TCERG1L: variants seen among roughly 807,000 people sequenced by gnomAD.
TCERG1L encodes transcription elongation regulator 1-like protein.
A neutral mutation model predicts 56.3 loss-of-function variants in TCERG1L; 37 were observed. The observed-to-expected ratio is 0.66, with a 90% CI of 0.51 to 0.87. The LOEUF (loss-of-function observed/expected upper bound fraction) is 0.87, where lower values mean the gene tolerates loss of function less well. TCERG1L is among the 40% of genes least tolerant of loss of function. TCERG1L has a pLI of 0.00. For synonymous variants in TCERG1L, 324 were observed against 326.3 expected, an observed-to-expected ratio of 0.99 and a Z score of 0.08; for missense variants, 799 against 774.2, an observed-to-expected ratio of 1.03 and a Z score of -0.38.
At chr10:131,185,951 T>C (rs1583670) in intron 4 of TCERG1L, among the ~76,000 whole-genome samples, 109,269 of 152,130 alleles carry the variant, frequency 0.72, 41,678 homozygotes, top group Non-Finnish European at 0.85. Context: ...AATGTGGACG[T>C]AATGTACATG....
At chr10:131,231,946 G>A (rs1845857317) in intron 4 of TCERG1L, among the ~76,000 whole-genome samples, 1 of 152,172 alleles carries the variant, frequency 6.6e-6, no homozygotes, top group South Asian at 2.1e-4. Context: ...AAGGCCGTAG[G>A]AAGTTGAGGA....
chr10:131,281,851 T>G (rs1846459438), intron 3 of TCERG1L, among the ~76,000 whole-genome samples: 1 of 143,774 alleles, frequency 7.0e-6, no homozygotes, highest in Admixed American at 6.8e-5. Context: ...ATGAAAACCC[T>G]TCTGGCCGGG....
intron 4 of TCERG1L, among the ~76,000 whole-genome samples, chr10:131,249,731 C>T (rs1012991938): frequency 2.6e-5 from 4 of 152,128 alleles, no homozygotes; most frequent in African/African-American, 9.7e-5. Flanking sequence ...CCTGGCTGGG[C>T]GCTCCATGGG....
chr10:131,275,911 G>A (rs1000814842), intron 3 of TCERG1L, among the ~76,000 whole-genome samples: 3 of 152,132 alleles, frequency 2.0e-5, no homozygotes, highest in Non-Finnish European at 4.4e-5. Flanking sequence ...CAACGTGCAC[G>A]CACCCCCAGG....
intron 4 of TCERG1L, among the ~76,000 whole-genome samples, chr10:131,221,631 C>T (rs1157273113): frequency 1.3e-5 from 2 of 152,174 alleles, no homozygotes; most frequent in African/African-American, 2.4e-5. Context: ...GTGTTATCGC[C>T]GTGTATTGAA....
intron 4 of TCERG1L, among the ~76,000 whole-genome samples, chr10:131,225,363 G>T (rs555664529): frequency 4.6e-5 from 7 of 152,284 alleles, no homozygotes; most frequent in Admixed American, 1.3e-4. Context: ...GAACCTGAGA[G>T]AAGCGGCTTC....
chr10:131,302,186 G>C (rs777942526), intron 3 of TCERG1L, among the ~76,000 whole-genome samples: 2 of 149,830 alleles, frequency 1.3e-5, no homozygotes, highest in Non-Finnish European at 2.9e-5. Context: ...AACCAAGCTT[G>C]TCTAGTACTG....
intron 4 of TCERG1L, among the ~76,000 whole-genome samples, chr10:131,233,490 TCA>T (rs1033503416): frequency 4.7e-5 from 7 of 150,020 alleles, no homozygotes; most frequent in Admixed American, 1.3e-4. Flanking sequence ...GCACACACGC[TCA>T]CACACACACA....
At chr10:131,202,428 A>G (rs1445744739) in intron 4 of TCERG1L, among the ~76,000 whole-genome samples, 2 of 152,168 alleles carry the variant, frequency 1.3e-5, no homozygotes, top group Non-Finnish European at 1.5e-5. Context: ...CTAAAAATAC[A>G]AAAATGAGCC....
intron 4 of TCERG1L, among the ~76,000 whole-genome samples, chr10:131,239,844 T>C (rs575169970): frequency 5.9e-5 from 9 of 152,340 alleles, no homozygotes; most frequent in East Asian, 5.8e-4. Context: ...GGCTCCCTCA[T>C]GGCCCCTAGA....
chr10:131,183,991 G>A (rs769715168), intron 4 of TCERG1L, among the ~76,000 whole-genome samples: 10 of 152,310 alleles, frequency 6.6e-5, no homozygotes, highest in South Asian at 2.1e-4. Flanking sequence ...CCTTGTTTCC[G>A]CAGGGCCAAC....
Position 131,257,054 on chromosome 10 carries a change from A to AAAGAAAGG in TCERG1L, c.856+3204_856+3205insCCTTTCTT, listed in dbSNP as rs1336988347. Among the ~76,000 whole-genome samples the AAAGAAAGG allele has an allele frequency of 1.1e-3, 151 of 135,436 alleles. 4 individuals are homozygous for AAAGAAAGG. Among genetic ancestry groups the AAAGAAAGG allele is most frequent in the African/African-American group, 1.7e-3 (58 of 35,054 alleles). 88.9% of individuals were successfully genotyped at this position (135,436 alleles called of 152,430 possible). ...GAAAGAAAGAAAGAAAGAAAGAAAG[A>AAAGAAAGG]AAAGAAAGAAAGAAAAAAAAAAAGT... On this transcript the variant is annotated intron_variant, in intron 4 of 11. Coordinates refer to ENST00000368642, the MANE Select transcript of TCERG1L (RefSeq NM_174937.4).
chr10:131,285,401 AG>A (rs1846512172), intron 3 of TCERG1L, among the ~76,000 whole-genome samples: 1 of 129,084 alleles, frequency 7.7e-6, no homozygotes, highest in African/African-American at 2.8e-5. Flanking sequence ...AAGAAAAGAA[AG>A]GAAGGAAGGA....
At chr10:131,136,063 C>T (rs1845672845) in intron 7 of TCERG1L, among the ~76,000 whole-genome samples, 1 of 152,208 alleles carries the variant, frequency 6.6e-6, no homozygotes, top group South Asian at 2.1e-4. Context: ...ACCATGCTAA[C>T]GAAAATGCCT....
At chr10:131,232,049 C>G (rs968046813) in intron 4 of TCERG1L, among the ~76,000 whole-genome samples, 2 of 152,248 alleles carry the variant, frequency 1.3e-5, no homozygotes, top group Admixed American at 1.3e-4. Context: ...GCAGTGTCTG[C>G]CCGCCCCAGA....
chr10:131,263,440 G>A (rs1255582461), intron 3 of TCERG1L, among the ~76,000 whole-genome samples: 2 of 152,166 alleles, frequency 1.3e-5, no homozygotes, highest in Admixed American at 1.3e-4. Flanking sequence ...GTTTGGCCTG[G>A]CTGTGTTGGA....
chr10:131,259,122 A>G (rs1300729538), intron 4 of TCERG1L, among the ~76,000 whole-genome samples: 1 of 152,228 alleles, frequency 6.6e-6, no homozygotes, highest in Non-Finnish European at 1.5e-5. Context: ...CCAGCATAGA[A>G]ATAGCGAACG....
chr10:131,278,280 T>C (rs1846413796), intron 3 of TCERG1L, among the ~76,000 whole-genome samples: 1 of 151,906 alleles, frequency 6.6e-6, no homozygotes, highest in Non-Finnish European at 1.5e-5. Context: ...CTGGTGAAGA[T>C]GAGACGAGGC....
At chr10:131,294,417 T>C (rs549033925) in intron 3 of TCERG1L, among the ~76,000 whole-genome samples, 1 of 152,326 alleles carries the variant, frequency 6.6e-6, no homozygotes, top group East Asian at 1.9e-4. Context: ...ATTTGCCCAT[T>C]ATCTCTTTAA....
Sources: allele counts gnomAD v4.1 joint callset (sites outside exome capture counted in the v4.1 genomes callset), GRCh38; gene constraint gnomAD v4.1.1; transcripts MANE v1.5; gene names NCBI Gene and HGNC (gene_info 2026-07-23, HGNC 2026-07-21).